The following FRMD4A variants were observed in gnomAD, a reference collection of about 807,000 sequenced individuals.
FRMD4A encodes the protein FERM domain-containing protein 4A.
In FRMD4A, 29 loss-of-function variants were observed where a neutral mutation model predicts 129.1. That is an observed-to-expected ratio of 0.22 (90% CI 0.17 to 0.31). FRMD4A has a LOEUF of 0.31. FRMD4A is among the 10% of genes least tolerant of loss of function. The pLI is 1.00. For missense variants in FRMD4A, 1,272 were observed against 1,375.8 expected (o/e 0.92, Z 1.19); for synonymous variants, 634 against 571.6 (o/e 1.11, Z -1.56).
chr10:14,207,481 G>A (rs1049529302), intron 2 of FRMD4A, among the ~76,000 whole-genome samples: 1 of 152,138 alleles, frequency 6.6e-6, no homozygotes, highest in Non-Finnish European at 1.5e-5. Flanking sequence ...GGACCCCCTG[G>A]TCTATAGTAC....
chr10:14,072,689 G>GT (rs977223516), intron 2 of FRMD4A, among the ~76,000 whole-genome samples: 10 of 152,060 alleles, frequency 6.6e-5, no homozygotes, highest in Non-Finnish European at 8.8e-5. Context: ...AAAGGGGAGG[G>GT]TTTTTTTAGA....
At chr10:13,900,475 C>A (rs1206063456) in intron 2 of FRMD4A, among the ~76,000 whole-genome samples, 1 of 152,270 alleles carries the variant, frequency 6.6e-6, no homozygotes, top group Admixed American at 6.5e-5. Flanking sequence ...TACCTTGGAG[C>A]CCCTGGGAGT....
At chr10:14,038,936 T>A (rs553002073) in intron 2 of FRMD4A, among the ~76,000 whole-genome samples, 2 of 152,334 alleles carry the variant, frequency 1.3e-5, no homozygotes, top group African/African-American at 4.8e-5. Context: ...AATATCAACC[T>A]TCAGGACACC....
At chr10:13,752,969 G>A (rs753888638) in intron 8 of FRMD4A, among the ~76,000 whole-genome samples, 1 of 152,170 alleles carries the variant, frequency 6.6e-6, no homozygotes, top group East Asian at 1.9e-4. Context: ...TGCCCAGGGT[G>A]TCGTACAAGC....
At chr10:14,174,371 C>T (rs1841621943) in intron 2 of FRMD4A, among the ~76,000 whole-genome samples, 1 of 152,206 alleles carries the variant, frequency 6.6e-6, no homozygotes, top group African/African-American at 2.4e-5. Context: ...GACAAATGAT[C>T]TCTGTCTTAG....
At position 14,030,975 on chromosome 10, in the gene FRMD4A, G is replaced by C. The variant is rs180870090; in HGVS notation, c.46-172063C>G. Among the ~76,000 whole-genome samples the C allele has an allele frequency of 5.3e-5, 8 of 152,254 alleles. No individual in the cohort carries two copies. The East Asian group carries it at 1.5e-3, about 29-fold the overall frequency. ...TGAATTTCAAGACTTTCAAAACTCA[G>C]AAGCAGGGAAATGAGTGTCAGGCAC... On this transcript the variant is annotated intron_variant, in intron 2 of 24. Coordinates refer to ENST00000357447, the MANE Select transcript of FRMD4A (RefSeq NM_018027.5).
At chr10:14,250,719 G>T (rs572318904) in intron 2 of FRMD4A, among the ~76,000 whole-genome samples, 1 of 152,068 alleles carries the variant, frequency 6.6e-6, no homozygotes, top group Non-Finnish European at 1.5e-5. Context: ...TAGCAAAAAC[G>T]ACACATTTCC....
intron 2 of FRMD4A, among the ~76,000 whole-genome samples, chr10:14,008,730 T>C (rs1157373981): frequency 2.6e-5 from 4 of 152,188 alleles, no homozygotes; most frequent in Admixed American, 2.6e-4. Flanking sequence ...GGAGGAACAA[T>C]ATCTGAAGAC....
At chr10:13,914,337 T>C (rs2094976446) in intron 2 of FRMD4A, among the ~76,000 whole-genome samples, 1 of 152,208 alleles carries the variant, frequency 6.6e-6, no homozygotes, top group Admixed American at 6.5e-5. Context: ...TATATCAAGT[T>C]ATGAATAACG....
intron 2 of FRMD4A, among the ~76,000 whole-genome samples, chr10:14,085,704 C>T (rs774621107): frequency 9.2e-5 from 14 of 152,292 alleles, no homozygotes; most frequent in Admixed American, 2.6e-4. Context: ...CATTTGCGCT[C>T]GCTGTCCTGT....
chr10:14,168,921 T>C (rs1170417086), intron 2 of FRMD4A, among the ~76,000 whole-genome samples: 2 of 151,582 alleles, frequency 1.3e-5, no homozygotes, highest in Non-Finnish European at 2.9e-5. Context: ...AACTGTCCTG[T>C]AGCCCTCAAC....
At chr10:13,837,397 C>T (rs1015084310) in intron 3 of FRMD4A, among the ~76,000 whole-genome samples, 1 of 152,192 alleles carries the variant, frequency 6.6e-6, no homozygotes, top group African/African-American at 2.4e-5. Context: ...GCCTCGAGTG[C>T]TGGCCTCTCC....
intron 2 of FRMD4A, among the ~76,000 whole-genome samples, chr10:14,313,130 A>G (rs1157003894): frequency 6.6e-6 from 1 of 152,088 alleles, no homozygotes; most frequent in Non-Finnish European, 1.5e-5. Flanking sequence ...ACATGGTAGA[A>G]CCACTTGAGC....
chr10:14,043,012 C>T (rs1833845616), intron 2 of FRMD4A, among the ~76,000 whole-genome samples: 2 of 150,236 alleles, frequency 1.3e-5, no homozygotes, highest in Admixed American at 6.6e-5. Context: ...AGAAAATCAA[C>T]CTGTACAATC....
rs745610647 is a variant in FRMD4A, at chr10:13,670,537, G to T, written c.1252-9C>A. Reference sequence around the variant, plus strand: ...AGCTTGCCCGTGAGCTCCTGCATATGTGAAATGGCATTCGGAGTGAGCACA... The same window carrying T: ...AGCTTGCCCGTGAGCTCCTGCATATTTGAAATGGCATTCGGAGTGAGCACA... On this transcript the variant is annotated splice_polypyrimidine_tract_variant and intron_variant, in intron 16 of 24. Coordinates refer to ENST00000357447, the MANE Select transcript of FRMD4A (RefSeq NM_018027.5). 1.2e-6 allele frequency: 2 copies of T among 1,611,918 alleles called. No individual in the cohort carries two copies. Among genetic ancestry groups the T allele is most frequent in the South Asian group, 2.2e-5 (2 of 90,880 alleles).
chr10:14,092,954 A>G (rs1836741608), intron 2 of FRMD4A, among the ~76,000 whole-genome samples: 2 of 152,212 alleles, frequency 1.3e-5, no homozygotes, highest in Admixed American at 1.3e-4. Context: ...ATGAGGACTG[A>G]AGTGTAAAGT....
At chr10:14,214,247 G>A (rs1291620191) in intron 2 of FRMD4A, among the ~76,000 whole-genome samples, 1 of 152,178 alleles carries the variant, frequency 6.6e-6, no homozygotes, top group Admixed American at 6.5e-5. Flanking sequence ...TCCTAGAGAA[G>A]TACAGAGCCC....
At chr10:14,279,535 G>T (rs1450974583) in intron 2 of FRMD4A, among the ~76,000 whole-genome samples, 2 of 151,874 alleles carry the variant, frequency 1.3e-5, no homozygotes, top group Non-Finnish European at 2.9e-5. Context: ...TAAAACTTAG[G>T]CAGAGTCTAT....
chr10:14,030,850 C>T (rs1833204596), intron 2 of FRMD4A, among the ~76,000 whole-genome samples: 1 of 152,166 alleles, frequency 6.6e-6, no homozygotes, highest in Admixed American at 6.5e-5. Flanking sequence ...ATTTTGACAG[C>T]CTCTCCAATG....
Sources: allele counts gnomAD v4.1 joint callset (sites outside exome capture counted in the v4.1 genomes callset), GRCh38; gene constraint gnomAD v4.1.1; transcripts MANE v1.5; gene names NCBI Gene and HGNC (gene_info 2026-07-23, HGNC 2026-07-21).